The following ANKS1B variants were observed in gnomAD, a reference collection of about 807,000 sequenced individuals.
ANKS1B encodes ankyrin repeat and sterile alpha motif domain-containing protein 1B.
Under a neutral mutation model 148.3 loss-of-function variants are expected in ANKS1B, and 36 were observed. The observed-to-expected ratio is 0.24, with a 90% CI of 0.19 to 0.32. The LOEUF is 0.32. Among genes scored for constraint, ANKS1B ranks in the 10% least tolerant of loss-of-function variants. The pLI, the probability that ANKS1B is intolerant of heterozygous loss-of-function variation, is 1.00. For synonymous variants in ANKS1B, 542 were observed against 560.8 expected (o/e 0.97, Z 0.47); for missense variants, 1,157 against 1,542.6 (o/e 0.75, Z 4.19).
At chr12:99,435,347 C>T (rs913772988) in intron 11 of ANKS1B, among the ~76,000 whole-genome samples, 1 of 151,948 alleles carries the variant, frequency 6.6e-6, no homozygotes, top group South Asian at 2.1e-4. Context: ...TGAGTATCAC[C>T]CCATATGTAG....
chr12:99,973,889 C>G (rs2095593005), intron 1 of ANKS1B, among the ~76,000 whole-genome samples: 1 of 152,146 alleles, frequency 6.6e-6, no homozygotes, highest in Admixed American at 6.5e-5. Flanking sequence ...GCTGAAACAT[C>G]AACAAAGGAT....
At chr12:99,254,753 T>C (rs1425975848) in intron 12 of ANKS1B, among the ~76,000 whole-genome samples, 1 of 152,228 alleles carries the variant, frequency 6.6e-6, no homozygotes, top group African/African-American at 2.4e-5. Context: ...AATGTTTTTC[T>C]GCATCTGTTC....
At chr12:99,136,674 G>A (rs1467241340) in intron 15 of ANKS1B, among the ~76,000 whole-genome samples, 1 of 152,122 alleles carries the variant, frequency 6.6e-6, no homozygotes, top group African/African-American at 2.4e-5. Flanking sequence ...CATGTTATAT[G>A]GAGATAACCA....
chr12:99,690,843 C>CACTG (rs1168066591), intron 8 of ANKS1B, among the ~76,000 whole-genome samples: 4 of 152,210 alleles, frequency 2.6e-5, no homozygotes, highest in African/African-American at 9.6e-5. Context: ...CTCCACTAGG[C>CACTG]ACTGCCCCAG....
chr12:99,343,415 A>G (rs961477226), intron 12 of ANKS1B, among the ~76,000 whole-genome samples: 4 of 152,190 alleles, frequency 2.6e-5, no homozygotes, highest in Middle Eastern at 3.4e-3. Context: ...CTTTAATATT[A>G]CTTTTCTTTA....
chr12:99,500,125 A>C (rs2096641314), intron 10 of ANKS1B, among the ~76,000 whole-genome samples: 1 of 152,160 alleles, frequency 6.6e-6, no homozygotes, highest in Non-Finnish European at 1.5e-5. Context: ...CTGTGGCAAA[A>C]ATCTAAGACT....
chr12:99,416,466 A>C (rs1567059556), intron 11 of ANKS1B, among the ~76,000 whole-genome samples: 1 of 152,204 alleles, frequency 6.6e-6, no homozygotes, highest in Non-Finnish European at 1.5e-5. Flanking sequence ...TTACATTTCC[A>C]CCAGCAATCT....
At chr12:99,335,828 G>A (rs944005775) in intron 12 of ANKS1B, among the ~76,000 whole-genome samples, 1 of 152,122 alleles carries the variant, frequency 6.6e-6, no homozygotes, top group African/African-American at 2.4e-5. Context: ...ACATGGGAGT[G>A]TGTAGCTATC....
intron 14 of ANKS1B, among the ~76,000 whole-genome samples, chr12:99,205,016 A>T (rs2082474202): frequency 6.6e-6 from 1 of 152,152 alleles, no homozygotes; most frequent in Non-Finnish European, 1.5e-5. Context: ...GTTAAAGATA[A>T]TGTATAGGAG....
intron 9 of ANKS1B, among the ~76,000 whole-genome samples, chr12:99,549,607 C>A (rs2097200502): frequency 6.6e-6 from 1 of 152,142 alleles, no homozygotes. Flanking sequence ...GCTTGACAAG[C>A]AAGCTGTTAA....
chr12:99,825,239 G>T, intron 2 of ANKS1B, 70 bp downstream of exon 2: 3 of 1,323,378 alleles, frequency 2.3e-6, no homozygotes, highest in Non-Finnish European at 3.2e-6. Flanking sequence ...GAAAGGTATC[G>T]TCAAGACATA....
At chr12:99,225,059 G>C (rs1343943187) in intron 14 of ANKS1B, among the ~76,000 whole-genome samples, 1 of 152,118 alleles carries the variant, frequency 6.6e-6, no homozygotes, top group East Asian at 1.9e-4. Flanking sequence ...CATGGAAAAA[G>C]CTAGAAATCC....
intron 8 of ANKS1B, among the ~76,000 whole-genome samples, chr12:99,681,188 T>C (rs920664355): frequency 6.6e-6 from 1 of 152,184 alleles, no homozygotes; most frequent in African/African-American, 2.4e-5. Flanking sequence ...TACTATGCAG[T>C]TGATCTCTCC....
chr12:99,804,328 T>C (rs2067327108), intron 4 of ANKS1B, among the ~76,000 whole-genome samples: 1 of 152,238 alleles, frequency 6.6e-6, no homozygotes, highest in African/African-American at 2.4e-5. Flanking sequence ...TACCTACTTA[T>C]TTTCAATACC....
At chr12:99,163,691 T>G (rs1259375475) in intron 14 of ANKS1B, among the ~76,000 whole-genome samples, 1 of 152,174 alleles carries the variant, frequency 6.6e-6, no homozygotes, top group Non-Finnish European at 1.5e-5. Flanking sequence ...TTTTATCATT[T>G]CAAGAATGTT....
intron 14 of ANKS1B, among the ~76,000 whole-genome samples, chr12:99,214,384 T>C (rs1396303848): frequency 6.6e-6 from 1 of 152,170 alleles, no homozygotes; most frequent in Non-Finnish European, 1.5e-5. Flanking sequence ...ATAATCCCCA[T>C]GTGTCATGGG....
At chr12:99,825,453 G>A in intron 1 of ANKS1B, 64 bp from the exon 2 acceptor site, 1 of 1,319,352 alleles carries the variant, frequency 7.6e-7, no homozygotes, top group Non-Finnish European at 1.1e-6. Context: ...AAAACAAAAA[G>A]AAGGCTGGTA....
chr12:99,689,705 C>G (rs1382513534), intron 8 of ANKS1B, among the ~76,000 whole-genome samples: 1 of 152,134 alleles, frequency 6.6e-6, no homozygotes, highest in Non-Finnish European at 1.5e-5. Context: ...CTGAGACAGC[C>G]ATGTGGCTAG....
intron 17 of ANKS1B, among the ~76,000 whole-genome samples, chr12:99,027,273 G>A (rs1278176773): frequency 6.6e-6 from 1 of 152,172 alleles, no homozygotes; most frequent in Non-Finnish European, 1.5e-5. Flanking sequence ...GAAGACAAAT[G>A]TTTCCACAAA....
Sources: gnomAD v4.1 joint callset for allele counts (sites outside exome capture counted in the v4.1 genomes callset) on GRCh38, gnomAD v4.1.1 for gene constraint, MANE v1.5 for transcripts, NCBI Gene and HGNC (gene_info 2026-07-23, HGNC 2026-07-21) for gene names.